ZNF560: variants seen among roughly 807,000 people sequenced by gnomAD.
The protein encoded by ZNF560 is zinc finger protein 560.
In ZNF560, 54 loss-of-function variants were observed where a neutral mutation model predicts 81.8. The observed-to-expected ratio is 0.66, with a 90% CI of 0.53 to 0.83. ZNF560 has a LOEUF of 0.83. Ranked by LOEUF, ZNF560 falls within the 40% of genes least tolerant of loss-of-function variation. The pLI, the probability that ZNF560 is intolerant of heterozygous loss-of-function variation, is 0.00. For synonymous variants in ZNF560, 321 were observed against 317.9 expected, an observed-to-expected ratio of 1.01 and a Z score of -0.10; for missense variants, 940 against 932.4, an observed-to-expected ratio of 1.01 and a Z score of -0.11.
chr19:9,483,681 C>T (rs1338622001), intron 2 of ZNF560, among the ~76,000 whole-genome samples: 6 of 146,388 alleles, frequency 4.1e-5, no homozygotes, highest in African/African-American at 7.5e-5. Flanking sequence ...AGGTGGGGGG[C>T]GCCTCCGCCC....
At position 9,487,094 on chromosome 19, in the gene ZNF560, T is replaced by A. The variant is rs569791723; in HGVS notation, c.-57+11034A>T. Among the ~76,000 whole-genome samples the A allele has an allele frequency of 1.9e-3, 284 of 152,194 alleles. 1 individual carries two copies. Among genetic ancestry groups the A allele is most frequent in the African/African-American group, 6.5e-3 (269 of 41,502 alleles). ...CCAGTCAGGTTTAGCTTAGATTGTG[T>A]GGTCCACCTCCAGCCAATGAAGACA... On this transcript the variant is annotated intron_variant, in intron 2 of 9. Transcript: ENST00000301480.
intron 2 of ZNF560, among the ~76,000 whole-genome samples, chr19:9,495,154 T>A (rs985956185): frequency 3.3e-5 from 5 of 151,806 alleles, no homozygotes; most frequent in Non-Finnish European, 5.9e-5. Context: ...AAAAAATAAA[T>A]AAAAATAAAT....
the ZNF560 span, among the ~76,000 whole-genome samples, chr19:9,455,059 G>A: frequency 9.1e-4 from 138 of 152,184 alleles, no homozygotes; most frequent in African/African-American, 3.0e-3. Flanking sequence ...GCAGAGCCCC[G>A]AGTGACCGCC....
intron 2 of ZNF560, among the ~76,000 whole-genome samples, chr19:9,482,657 C>G (rs1369471035): frequency 6.7e-6 from 1 of 150,100 alleles, no homozygotes; most frequent in Non-Finnish European, 1.5e-5. Context: ...CCCTCCCCCT[C>G]CCTCTCCCCA....
chr19:9,503,193 C>A (rs2073645354), upstream of ZNF560, among the ~76,000 whole-genome samples: 1 of 152,110 alleles, frequency 6.6e-6, no homozygotes, highest in Non-Finnish European at 1.5e-5. Flanking sequence ...AGCACTGCAG[C>A]TTGGGGGACC....
chr19:9,466,043 C>A (rs572164994), downstream of ZNF560, among the ~76,000 whole-genome samples: 1 of 151,766 alleles, frequency 6.6e-6, no homozygotes, highest in Non-Finnish European at 1.5e-5. Flanking sequence ...TGTTTCTACA[C>A]GTTCAGTAAG....
chr19:9,447,235 A>G, the ZNF560 span, among the ~76,000 whole-genome samples: 90 of 152,276 alleles, frequency 5.9e-4, no homozygotes, highest in Admixed American at 4.3e-3. Flanking sequence ...TCTACCAACA[A>G]TCTGACACAG....
upstream of ZNF560, among the ~76,000 whole-genome samples, chr19:9,499,020 C>T (rs1161556294): frequency 6.6e-6 from 1 of 152,248 alleles, no homozygotes; most frequent in Non-Finnish European, 1.5e-5. Context: ...TGGCCTGCTT[C>T]CTGCATTCGA....
At chr19:9,490,396 C>CAAGGGCACA (rs2073452920) in intron 2 of ZNF560, among the ~76,000 whole-genome samples, 1 of 152,140 alleles carries the variant, frequency 6.6e-6, no homozygotes, top group Non-Finnish European at 1.5e-5. Context: ...CATCGAATGT[C>CAAGGGCACA]AAGGGCACAC....
intron 2 of ZNF560, among the ~76,000 whole-genome samples, chr19:9,489,995 T>TA (rs2073446184): frequency 6.6e-6 from 1 of 152,228 alleles, no homozygotes; most frequent in Non-Finnish European, 1.5e-5. Flanking sequence ...ATGATTCTAA[T>TA]AGCTAAACTG....
At chr19:9,480,379 C>G (rs1032007732) in intron 2 of ZNF560, among the ~76,000 whole-genome samples, 3 of 132,712 alleles carry the variant, frequency 2.3e-5, no homozygotes, top group African/African-American at 9.3e-5. Context: ...TGAAGTAACA[C>G]ACACCTGAAC....
chr19:9,458,894 G>C, the ZNF560 span, among the ~76,000 whole-genome samples: 1 of 152,310 alleles, frequency 6.6e-6, no homozygotes, highest in African/African-American at 2.4e-5. Flanking sequence ...ATGTTCCCTC[G>C]TTTGGGAGAC....
Position 9,474,255 on chromosome 19 carries a change from T to C in ZNF560, c.101A>G (p.Gln34Arg), listed in dbSNP as rs2073165870. ...CATCACATCTCTGTATAAGTTTCTC[T>C]GAACTGGGTCCAGTAAAATCCACTC... ...QEEWILLDPV[Q>R]RNLYRDVMLE... Residue 34 changes from glutamine (Q) to arginine (R), a missense_variant, in exon 4 of 10, where the codon CAG becomes CGG. Coordinates refer to ENST00000301480, the MANE Select transcript of ZNF560 (RefSeq NM_152476.3). The C allele has an allele frequency of 5.0e-6, 8 of 1,614,186 alleles. No homozygotes were observed. Among genetic ancestry groups the C allele is most frequent in the Non-Finnish European group, 6.8e-6 (8 of 1,180,014 alleles).
intron 2 of ZNF560, among the ~76,000 whole-genome samples, chr19:9,495,422 G>A: frequency 6.6e-6 from 1 of 151,944 alleles, no homozygotes; most frequent in Non-Finnish European, 1.5e-5. Flanking sequence ...TACACTTCTG[G>A]CCAGCCACAG....
At chr19:9,455,224 A>G in the ZNF560 span, among the ~76,000 whole-genome samples, 1 of 152,182 alleles carries the variant, frequency 6.6e-6, no homozygotes, top group Non-Finnish European at 1.5e-5. Context: ...GAGTTTAAAC[A>G]GGCTATCAAT....
At chr19:9,447,158 C>T in the ZNF560 span, among the ~76,000 whole-genome samples, 11 of 142,300 alleles carry the variant, frequency 7.7e-5, no homozygotes, top group South Asian at 2.5e-3. Context: ...AAAAAATAGA[C>T]ATACTCTCTG....
At chr19:9,488,105 T>A (rs2073414869) in intron 2 of ZNF560, among the ~76,000 whole-genome samples, 1 of 152,146 alleles carries the variant, frequency 6.6e-6, no homozygotes, top group Non-Finnish European at 1.5e-5. Flanking sequence ...GAAGTGAATT[T>A]TAGCTCACAC....
intron 5 of ZNF560, 24 bp from the exon 6 acceptor site, chr19:9,471,402 G>A: frequency 8.4e-7 from 1 of 1,190,932 alleles, no homozygotes; most frequent in Admixed American, 3.2e-5. Context: ...ATAAACTGAG[G>A]TTTTTTTTTT....
chr19:9,491,896 G>C (rs969604522), intron 2 of ZNF560, among the ~76,000 whole-genome samples: 2 of 149,922 alleles, frequency 1.3e-5, no homozygotes, highest in Non-Finnish European at 3.0e-5. Flanking sequence ...ATTTACCAAA[G>C]CTAATGCAGC....
Sources: gnomAD v4.1 joint callset for allele counts (sites outside exome capture counted in the v4.1 genomes callset) on GRCh38, gnomAD v4.1.1 for gene constraint, MANE v1.5 for transcripts, NCBI Gene and HGNC (gene_info 2026-07-23, HGNC 2026-07-21) for gene names.